Variants in AFG2A observed in about 807,000 individuals in gnomAD.
The protein encoded by AFG2A is ATPase family gene 2 protein homolog A.
the AFG2A span, among the ~76,000 whole-genome samples, chr4:123,246,102 G>A: frequency 1.3e-5 from 2 of 152,178 alleles, no homozygotes; most frequent in Admixed American, 6.5e-5. Context: ...TTTTAATTTA[G>A]CAGATATTGT....
chr4:123,224,359 C>T, the AFG2A span, among the ~76,000 whole-genome samples: 1 of 151,972 alleles, frequency 6.6e-6, no homozygotes, highest in Non-Finnish European at 1.5e-5. Flanking sequence ...ATCCCTCCAC[C>T]CTCCCCCCAT....
the AFG2A span, among the ~76,000 whole-genome samples, chr4:123,032,605 G>A: frequency 1.3e-5 from 2 of 152,104 alleles, no homozygotes; most frequent in African/African-American, 2.4e-5. Flanking sequence ...TAGTAGAGAC[G>A]GGGTTTCACC....
chr4:123,071,155 A>G, the AFG2A span, among the ~76,000 whole-genome samples: 3 of 152,196 alleles, frequency 2.0e-5, no homozygotes, highest in Non-Finnish European at 4.4e-5. Context: ...TGCTTTTGTC[A>G]GGTGGTAAAT....
At chr4:123,188,874 A>G in the AFG2A span, among the ~76,000 whole-genome samples, 2 of 152,208 alleles carry the variant, frequency 1.3e-5, no homozygotes, top group African/African-American at 4.8e-5. Flanking sequence ...ATGTTGAAGC[A>G]GTTGTCAAAG....
the AFG2A span, among the ~76,000 whole-genome samples, chr4:123,222,451 T>C: frequency 6.6e-6 from 1 of 152,162 alleles, no homozygotes; most frequent in African/African-American, 2.4e-5. Flanking sequence ...CTAAGCTGGA[T>C]ACACATAAAA....
chr4:123,005,365 G>A, the AFG2A span, among the ~76,000 whole-genome samples: 1 of 152,130 alleles, frequency 6.6e-6, no homozygotes, highest in African/African-American at 2.4e-5. Flanking sequence ...TAGCTGGCTA[G>A]GCTGTTCTCA....
At chr4:123,023,823 C>T in the AFG2A span, among the ~76,000 whole-genome samples, 1 of 152,028 alleles carries the variant, frequency 6.6e-6, no homozygotes, top group Non-Finnish European at 1.5e-5. Context: ...GTACGGCCTT[C>T]CTGGCTTCTG....
chr4:123,246,732 CAGTACAACCACTGGGA>C, the AFG2A span, among the ~76,000 whole-genome samples: 1 of 152,158 alleles, frequency 6.6e-6, no homozygotes, highest in African/African-American at 2.4e-5. Flanking sequence ...AATCCATTCC[CAGTACAACCACTGGGA>C]AAGTCTGCCC....
chr4:123,294,690 A>G, the AFG2A span, among the ~76,000 whole-genome samples: 1 of 152,222 alleles, frequency 6.6e-6, no homozygotes, highest in Admixed American at 6.5e-5. Context: ...GACACATCTA[A>G]TGTTGAACAC....
the AFG2A span, among the ~76,000 whole-genome samples, chr4:123,291,288 G>A: frequency 6.6e-6 from 1 of 151,966 alleles, no homozygotes; most frequent in African/African-American, 2.4e-5. Flanking sequence ...CTTTTAATTG[G>A]AGCATTTAGA....
chr4:123,313,439 C>T, the AFG2A span, among the ~76,000 whole-genome samples: 10 of 152,356 alleles, frequency 6.6e-5, 1 homozygote, highest in South Asian at 2.1e-4. Flanking sequence ...TGCTATGACA[C>T]GGTGTGTTGA....
chr4:123,312,257 T>C, the AFG2A span, among the ~76,000 whole-genome samples: 1 of 152,146 alleles, frequency 6.6e-6, no homozygotes, highest in Non-Finnish European at 1.5e-5. Flanking sequence ...GGCTCTCTAT[T>C]CTCTGAGGGA....
At chr4:123,016,983 G>A in the AFG2A span, among the ~76,000 whole-genome samples, 1 of 151,220 alleles carries the variant, frequency 6.6e-6, no homozygotes, top group Admixed American at 6.6e-5. Context: ...CCAGTCAGGC[G>A]TGGTGGCGCA....
the AFG2A span, among the ~76,000 whole-genome samples, chr4:123,216,311 T>C: frequency 6.6e-6 from 1 of 152,158 alleles, no homozygotes; most frequent in African/African-American, 2.4e-5. Flanking sequence ...TGGAAGGTGG[T>C]TAATATATAA....
At chr4:123,077,105 TG>T in the AFG2A span, among the ~76,000 whole-genome samples, 10 of 148,482 alleles carry the variant, frequency 6.7e-5, no homozygotes, top group African/African-American at 1.8e-4. Context: ...TGGAGTGCAG[TG>T]GCGCGATCTC....
chr4:123,138,079 C>T, the AFG2A span, among the ~76,000 whole-genome samples: 1 of 152,132 alleles, frequency 6.6e-6, no homozygotes, highest in African/African-American at 2.4e-5. Flanking sequence ...GCTTGTTATG[C>T]ATCCTTTAAT....
chr4:122,979,444 T>G, the AFG2A span: 4 of 1,560,996 alleles, frequency 2.6e-6, no homozygotes, highest in South Asian at 4.8e-5. Flanking sequence ...TGAAAAAAAT[T>G]TAGAGTTCAG....
At chr4:123,097,223 A>G in the AFG2A span, among the ~76,000 whole-genome samples, 1 of 152,116 alleles carries the variant, frequency 6.6e-6, no homozygotes, top group Non-Finnish European at 1.5e-5. Context: ...AGCTAAATAT[A>G]CGTATCTTTC....
At chr4:123,306,023 A>G in the AFG2A span, among the ~76,000 whole-genome samples, 1 of 152,184 alleles carries the variant, frequency 6.6e-6, no homozygotes. Context: ...ACTGCTCACA[A>G]GTGGAGCTGT....
Sources: gnomAD v4.1 joint callset for allele counts (sites outside exome capture counted in the v4.1 genomes callset) on GRCh38, gnomAD v4.1.1 for gene constraint, MANE v1.5 for transcripts, NCBI Gene and HGNC (gene_info 2026-07-23, HGNC 2026-07-21) for gene names.